ARHGAP24: variants seen among roughly 807,000 people sequenced by gnomAD.
ARHGAP24 encodes rho GTPase-activating protein 24.
ARHGAP24 carries 50 observed loss-of-function variants against 76.4 expected under a neutral mutation model. The ratio of observed to expected loss-of-function variants is 0.65; its 90% CI spans 0.52 to 0.83. The LOEUF is 0.83. Among genes scored for constraint, ARHGAP24 ranks in the 40% least tolerant of loss-of-function variants. The pLI is 0.00. For missense variants in ARHGAP24, 930 were observed against 914.2 expected, an observed-to-expected ratio of 1.02 and a Z score of -0.22; for synonymous variants, 345 against 323.3, an observed-to-expected ratio of 1.07 and a Z score of -0.72.
intron 2 of ARHGAP24, among the ~76,000 whole-genome samples, chr4:85,702,523 A>G (rs1724133393): frequency 6.6e-6 from 1 of 152,190 alleles, no homozygotes; most frequent in African/African-American, 2.4e-5. Context: ...ATACATTAAC[A>G]TATATTCATA....
intron 7 of ARHGAP24, chr4:85,975,793 T>C (rs1361871533): frequency 2.0e-5 from 3 of 152,212 alleles, no homozygotes. Context: ...TGTGTGTGTT[T>C]GGTGTTATGA....
At chr4:85,738,639 A>G (rs1725697195) in intron 3 of ARHGAP24, among the ~76,000 whole-genome samples, 1 of 152,108 alleles carries the variant, frequency 6.6e-6, no homozygotes, top group Non-Finnish European at 1.5e-5. Flanking sequence ...AATCAAGATC[A>G]TGAAAGTTTA....
chr4:85,665,450 G>A (rs1354067810), intron 2 of ARHGAP24, among the ~76,000 whole-genome samples: 1 of 152,018 alleles, frequency 6.6e-6, no homozygotes, highest in Non-Finnish European at 1.5e-5. Flanking sequence ...CACACTGATG[G>A]GTCTTGACTC....
intron 3 of ARHGAP24, among the ~76,000 whole-genome samples, chr4:85,882,005 T>A (rs2148769291): frequency 6.6e-6 from 1 of 152,294 alleles, no homozygotes; most frequent in East Asian, 1.9e-4. Context: ...TAAAGGAAAA[T>A]GTCCAAAGAA....
intron 3 of ARHGAP24, among the ~76,000 whole-genome samples, chr4:85,912,984 CA>C (rs1212166513): frequency 6.6e-6 from 1 of 152,020 alleles, no homozygotes; most frequent in Non-Finnish European, 1.5e-5. Flanking sequence ...AAATTTTTTG[CA>C]TAGCTTTAAA....
At chr4:85,864,611 GTT>G (rs3029094) in intron 3 of ARHGAP24, among the ~76,000 whole-genome samples, 141,421 of 149,812 alleles carry the variant, frequency 0.94, 67,170 homozygotes, top group East Asian at 1. Context: ...AGGAAAATCA[GTT>G]TTTTTTTTTT....
At chr4:85,661,727 CT>C (rs1288910063) in intron 2 of ARHGAP24, among the ~76,000 whole-genome samples, 1 of 147,388 alleles carries the variant, frequency 6.8e-6, no homozygotes, top group Non-Finnish European at 1.5e-5. Context: ...TCCATGTGTT[CT>C]CATTGTTGAA....
intron 3 of ARHGAP24, among the ~76,000 whole-genome samples, chr4:85,864,120 A>T (rs1267682777): frequency 6.6e-6 from 1 of 152,134 alleles, no homozygotes; most frequent in Non-Finnish European, 1.5e-5. Flanking sequence ...AGAAGGGAAG[A>T]TGGAGCTGCC....
chr4:85,945,524 G>A (rs1578417815), intron 5 of ARHGAP24, among the ~76,000 whole-genome samples: 1 of 152,100 alleles, frequency 6.6e-6, no homozygotes, highest in Admixed American at 6.5e-5. Flanking sequence ...AGCACTTTGG[G>A]AGGCCAAGGT....
intron 1 of ARHGAP24, among the ~76,000 whole-genome samples, chr4:85,559,584 A>G (rs1726517328): frequency 6.6e-6 from 1 of 152,210 alleles, no homozygotes; most frequent in Non-Finnish European, 1.5e-5. Flanking sequence ...TTTCTTTGTG[A>G]CAGTTTTTCA....
At chr4:85,612,518 ATTC>A (rs1720428635) in intron 2 of ARHGAP24, among the ~76,000 whole-genome samples, 1 of 152,012 alleles carries the variant, frequency 6.6e-6, no homozygotes, top group Non-Finnish European at 1.5e-5. Flanking sequence ...ATATTATCTT[ATTC>A]TTCACCCATG....
intron 1 of ARHGAP24, among the ~76,000 whole-genome samples, chr4:85,532,885 C>T (rs993640649): frequency 6.7e-6 from 1 of 149,550 alleles, no homozygotes; most frequent in Non-Finnish European, 1.5e-5. Flanking sequence ...TTCCTTAGTT[C>T]ATTCTATTCA....
chr4:85,598,751 T>G (rs536143579), intron 2 of ARHGAP24, among the ~76,000 whole-genome samples: 45 of 150,252 alleles, frequency 3.0e-4, no homozygotes, highest in East Asian at 1.9e-3. Context: ...GTTTTGTTTT[T>G]TTTTTTTTAC....
chr4:85,644,479 C>G (rs1274838660), intron 2 of ARHGAP24, among the ~76,000 whole-genome samples: 1 of 151,988 alleles, frequency 6.6e-6, no homozygotes, highest in Non-Finnish European at 1.5e-5. Flanking sequence ...CTGTAATCCT[C>G]TTATAATGAT....
chr4:85,848,532 C>T (rs1578293829), intron 3 of ARHGAP24, among the ~76,000 whole-genome samples: 1 of 152,136 alleles, frequency 6.6e-6, no homozygotes, highest in South Asian at 2.1e-4. Flanking sequence ...TTTATGGCTG[C>T]ATAGTATTCC....
chr4:85,728,017 C>CA (rs796337057), intron 3 of ARHGAP24, among the ~76,000 whole-genome samples: 5,026 of 138,394 alleles, frequency 0.036, 243 homozygotes, highest in African/African-American at 0.12. Context: ...ATTAGGCCTT[C>CA]AAAAAAAAAA....
At chr4:85,564,435 T>A (rs1296767757) in intron 1 of ARHGAP24, among the ~76,000 whole-genome samples, 1 of 122,934 alleles carries the variant, frequency 8.1e-6, no homozygotes, top group East Asian at 2.7e-4. Context: ...GAGATATACC[T>A]AATGTAAATG....
At chr4:85,502,417 T>C (rs1488092820) in intron 1 of ARHGAP24, among the ~76,000 whole-genome samples, 1 of 152,194 alleles carries the variant, frequency 6.6e-6, no homozygotes, top group Non-Finnish European at 1.5e-5. Flanking sequence ...GGTTTGTAGT[T>C]CTACTTGAAG....
chr4:85,576,353 C>T (rs1039252592), intron 2 of ARHGAP24, among the ~76,000 whole-genome samples: 5 of 151,986 alleles, frequency 3.3e-5, no homozygotes, highest in Non-Finnish European at 7.4e-5. Flanking sequence ...TGGCGCGAAC[C>T]CGGGAGGCGG....
Sources: gnomAD v4.1 joint callset for allele counts (sites outside exome capture counted in the v4.1 genomes callset) on GRCh38, gnomAD v4.1.1 for gene constraint, MANE v1.5 for transcripts, NCBI Gene and HGNC (gene_info 2026-07-23, HGNC 2026-07-21) for gene names.